Variants in WNT4 observed in about 807,000 individuals in gnomAD.
WNT4 encodes the protein protein Wnt-4.
WNT4 carries 16 observed loss-of-function variants against 34.5 expected under a neutral mutation model. The observed-to-expected ratio is 0.46, with a 90% confidence interval of 0.31 to 0.70. The LOEUF (loss-of-function observed/expected upper bound fraction) is 0.70. WNT4 is among the 30% of genes least tolerant of loss of function. The pLI is 0.04. For missense variants in WNT4, 379 were observed against 495.9 expected (o/e 0.76, Z 2.24); for synonymous variants, 200 against 211.9 (o/e 0.94, Z 0.49).
rs554129647 is a variant in WNT4, at chr1:22,124,179, G to C, written c.314-2603C>G. 1.4e-4 allele frequency among the ~76,000 whole-genome samples: 22 copies of C among 152,254 alleles called. No homozygotes were observed. The East Asian group carries it at 1.5e-3, about 11-fold the overall frequency. ...GTAGTCCACCTGGGCAGGTAGCAGC[G>C]GGGGGGTTCCCCAGCAAGGTGGCAG... On this transcript the variant is annotated intron_variant, in intron 2 of 4. Coordinates refer to ENST00000290167, the MANE Select transcript of WNT4 (RefSeq NM_030761.5).
rs140613168 is a variant in WNT4 at position 22,121,545 on chromosome 1, G to A, written c.345C>T (p.Ile115=). The A allele has an allele frequency of 5.0e-6, 8 of 1,613,806 alleles. No homozygotes were observed. Among genetic ancestry groups the A allele is most frequent in the Non-Finnish European group, 6.8e-6 (8 of 1,180,036 alleles). Residue 115 remains isoleucine, a synonymous_variant, in exon 3 of 5, where the codon ATC becomes ATT. Coordinates refer to ENST00000290167, the MANE Select transcript of WNT4 (RefSeq NM_030761.5). ...GTREAAFVYA[I]SSAGVAFAVT... is the part of the protein sequence containing the mutation. Reference sequence around the variant, plus strand: ...CTGCAAAGGCCACACCTGCCGAAGAGATGGCGTACACGAAGGCCGCCTCCC... The same window carrying A: ...CTGCAAAGGCCACACCTGCCGAAGAAATGGCGTACACGAAGGCCGCCTCCC...
At position 22,121,338 on chromosome 1, in the gene WNT4, C is replaced by T. The variant is rs781649079; in HGVS notation, c.461G>A (p.Gly154Glu). Reference sequence around the variant, plus strand: ...ACCGTAGGCGATGTTGTCAGAGCATCCTGACCACTGGAAGCCTGGGGTGTG... The same window carrying T: ...ACCGTAGGCGATGTTGTCAGAGCATTCTGACCACTGGAAGCCTGGGGTGTG... ...GVSPQGFQWS[G>E]CSDNIAYGVA... The change falls in exon 4 of 5, where the codon GGA (glycine) becomes GAA (glutamate). Residue 154 changes from glycine (G) to glutamate (E), a missense_variant. Transcript: ENST00000290167. 3 of 1,614,188 alleles carry T rather than the reference C, an allele frequency of 1.9e-6. No individual in the cohort carries two copies. The highest frequency in any genetic ancestry group is 2.5e-6 in the Non-Finnish European group (3 of 1,180,034).
Position 22,120,247 on chromosome 1 carries a change from C to T in WNT4, c.859G>A (p.Gly287Ser), listed in dbSNP as rs752422609. The change falls in exon 5 of 5, where the codon GGC (glycine) becomes AGC (serine). Residue 287 changes from glycine (G) to serine (S), a missense_variant. Physicochemically the swap from Gly to Ser is moderately conservative, Grantham distance 56. This residue lies in a region of WNT4 where 313 missense variants were observed against 445.8 expected (regional missense o/e 0.70). Transcript: ENST00000290167. ...GTGCGGCCCCTCGTGCCCAGCACGCCGCTGCGCATGTCCTGCTCACAGAAG... is the reference window on the plus strand; with the variant it reads ...GTGCGGCCCCTCGTGCCCAGCACGCTGCTGCGCATGTCCTGCTCACAGAAG... ...PDFCEQDMRS[G>S]VLGTRGRTCN... The T allele has an allele frequency of 1.2e-5, 20 of 1,614,048 alleles. No homozygotes were observed. Among genetic ancestry groups the T allele is most frequent in the East Asian group, 2.2e-5 (1 of 44,902 alleles).
chr1:22,129,932 G>A, intron 1 of WNT4, 81 bp from the exon 2 acceptor site: 1 of 1,525,570 alleles, frequency 6.6e-7, no homozygotes, highest in South Asian at 1.1e-5. Flanking sequence ...TCCAGCCCGG[G>A]TCTCTGGGAA....
rs1646073852 is a variant in WNT4, at chr1:22,142,196, G to A, written c.77+650C>T. ...TCCTTAGGCTAGACACGGGGAGCTG[G>A]GGGGCCGTTGTCTTCTTTAAGGTCT... On this transcript the variant is annotated intron_variant, in intron 1 of 4. Coordinates refer to ENST00000290167, the MANE Select transcript of WNT4 (RefSeq NM_030761.5). This position sits in a 1 kb window ranked among gnomAD's most constrained non-coding sequence, Gnocchi z 6.0. Among the ~76,000 whole-genome samples the A allele has an allele frequency of 6.6e-6, 1 of 152,174 alleles. No homozygotes were observed. The highest frequency in any genetic ancestry group is 1.5e-5 in the Non-Finnish European group (1 of 68,032).
Position 22,120,130 on chromosome 1 carries a change from A to G in WNT4, c.976T>C (p.Cys326Arg). ...CAGCACCAGTGGAATTTGCAGCTGC[A>G]GCGTTCAGCCAGCTCCACCTGCGCC... Reference protein sequence around the residue: ...HTAQVELAERCSCKFHWCCFV... With the variant: ...HTAQVELAERRSCKFHWCCFV... Residue 326 changes from cysteine to arginine, a missense_variant, in exon 5 of 5, where the codon TGC becomes CGC. Cys to Arg is a radical substitution (Grantham distance 180, BLOSUM62 -3). This residue lies in a region of WNT4 where 313 missense variants were observed against 445.8 expected (regional missense o/e 0.70). Transcript: ENST00000290167. 1 of 1,613,312 alleles carries G rather than the reference A, an allele frequency of 6.2e-7. No homozygotes were observed. Among genetic ancestry groups the G allele is most frequent in the Non-Finnish European group, 8.5e-7 (1 of 1,179,860 alleles).
chr1:22,129,314 T>G (rs1393246544), intron 2 of WNT4, among the ~76,000 whole-genome samples: 1 of 152,202 alleles, frequency 6.6e-6, no homozygotes, highest in African/African-American at 2.4e-5. Flanking sequence ...CTTCCTTAAT[T>G]ACCTGCTTAC....
chr1:22,125,317 C>T (rs1038613984), intron 2 of WNT4, among the ~76,000 whole-genome samples: 20 of 152,136 alleles, frequency 1.3e-4, no homozygotes, highest in East Asian at 9.7e-4. Flanking sequence ...GGGAATGTCT[C>T]GGGGGTAACC....
chr1:22,125,219 T>C (rs1394344326), intron 2 of WNT4, among the ~76,000 whole-genome samples: 1 of 152,078 alleles, frequency 6.6e-6, no homozygotes, highest in Non-Finnish European at 1.5e-5. Context: ...CCCTGCCCCA[T>C]GCGGTCAGAA....
At position 22,120,194 on chromosome 1, in the gene WNT4, G is replaced by A. The variant is rs145992184; in HGVS notation, c.912C>T (p.Asp304=). The A allele has an allele frequency of 3.8e-5, 62 of 1,613,846 alleles. No homozygotes were observed. The highest frequency in any genetic ancestry group is 2.0e-4 in the African/African-American group (15 of 75,076). The change falls in exon 5 of 5, where the codon GAC becomes GAT. Residue 304 remains aspartate, a synonymous_variant. Coordinates refer to ENST00000290167, the MANE Select transcript of WNT4 (RefSeq NM_030761.5). ...GGCCACAGCACAGCAGCTCACAGCC[G>A]TCGATGGCCTTGGACGTCTTGTTGC... ...RTCNKTSKAI[D]GCELLCCGRG...
In WNT4 at chr1:22,121,290, A is replaced by G; in HGVS notation, c.509T>C (p.Val170Ala). The G allele has an allele frequency of 6.2e-7, 1 of 1,614,082 alleles. No homozygotes were observed. Among genetic ancestry groups the G allele is most frequent in the Non-Finnish European group, 8.5e-7 (1 of 1,179,994 alleles). Residue 170 changes from valine to alanine, a missense_variant, in exon 4 of 5, where the codon GTG becomes GCG. Transcript: ENST00000290167. ...CCCCTTGCTTCTCTCCCGCACATCC[A>G]CAAACGACTGTGAGAAGGCCACACC... ...AYGVAFSQSF[V>A]DVRERSKGAS...
chr1:22,119,570 A>G lies in WNT4; in HGVS notation c.*480T>C, dbSNP rs1293384557. On this transcript the variant is annotated 3_prime_UTR_variant, in exon 5 of 5. Coordinates refer to ENST00000290167, the MANE Select transcript of WNT4 (RefSeq NM_030761.5). ...TTGAGAGACATGGCTTCTAGGCTCA[A>G]GCTGCCAGGAGTCCATGTGTATGTG... 1 of 190,982 alleles carries G rather than the reference A, an allele frequency of 5.2e-6. No individual in the cohort carries two copies. The highest frequency in any genetic ancestry group is 1.3e-4 in the East Asian group (1 of 7,880). The allele number at this position is 190,982 out of a possible 1,614,324, so 11.8% of individuals were successfully genotyped here.
chr1:22,134,343 A>G lies in WNT4; in HGVS notation c.78-4492T>C, dbSNP rs1005314410. On this transcript the variant is annotated intron_variant, in intron 1 of 4. Transcript: ENST00000290167. This position sits in a 1 kb window ranked among gnomAD's most constrained non-coding sequence, Gnocchi z 4.1. ...GGCCAGTGGGGGCGAAAGTGACCAC[A>G]GTCCCCATCTAGGACTGTGTTCTTA... 1.3e-5 allele frequency among the ~76,000 whole-genome samples: 2 copies of G among 152,216 alleles called. No individual in the cohort carries two copies. Among genetic ancestry groups the G allele is most frequent in the African/African-American group, 2.4e-5 (1 of 41,464 alleles).
Position 22,142,718 on chromosome 1 carries a change from T to G in WNT4, c.77+128A>C. 1.6e-6 allele frequency: 1 copy of G among 611,870 alleles called. No individual in the cohort carries two copies. Among genetic ancestry groups the G allele is most frequent in the South Asian group, 7.0e-5 (1 of 14,314 alleles). The allele number at this position is 611,870 out of a possible 1,614,324, so 37.9% of individuals were successfully genotyped here. A position where few individuals can be genotyped will look rare whatever the true frequency, so the allele number is the denominator to read the frequency against. On this transcript the variant is annotated intron_variant, in intron 1 of 4. Coordinates refer to ENST00000290167, the MANE Select transcript of WNT4 (RefSeq NM_030761.5). This position sits in a 1 kb window ranked among gnomAD's most constrained non-coding sequence, Gnocchi z 6.0. ...GCGGCGGCAGCGGAGCGAGCGAGCC[T>G]CCGGTCCCGCGGCCGAGACACCTGC...
intron 4 of WNT4, 89 bp downstream of exon 4, chr1:22,121,122 T>C: frequency 6.4e-7 from 1 of 1,572,848 alleles, no homozygotes; most frequent in Non-Finnish European, 8.6e-7. Flanking sequence ...TGCACAAATG[T>C]TTTCTGAGTG....
chr1:22,119,228 G>GTGTT lies in WNT4; in HGVS notation c.*821_*822insAACA, dbSNP rs35917567. ...TGTGTGTGTGTGTGTGTGTGTGTGTGTTTCAGTTTCATGGAGGAACAGCGC... is the reference window on the plus strand; with the variant it reads ...TGTGTGTGTGTGTGTGTGTGTGTGTGTGTTTTTCAGTTTCATGGAGGAACAGCGC... On this transcript the variant is annotated 3_prime_UTR_variant, in exon 5 of 5. Transcript: ENST00000290167. The GTGTT allele has an allele frequency of 0.2, 24,490 of 120,098 alleles. 3,197 individuals carry two copies. Among genetic ancestry groups the GTGTT allele is most frequent in the Non-Finnish European group, 0.23 (12,884 of 57,214 alleles). The allele number at this position is 120,098 out of a possible 1,614,324, so 7.4% of individuals were successfully genotyped here. A position where few individuals can be genotyped will look rare whatever the true frequency, so the allele number is the denominator to read the frequency against.
chr1:22,132,093 C>T (rs1002633383), intron 1 of WNT4, among the ~76,000 whole-genome samples: 6 of 152,188 alleles, frequency 3.9e-5, no homozygotes, highest in Non-Finnish European at 7.4e-5. Context: ...GCCAAGAGCC[C>T]GGCTACTGGC....
At chr1:22,131,788 C>T (rs1645985688) in intron 1 of WNT4, among the ~76,000 whole-genome samples, 1 of 152,204 alleles carries the variant, frequency 6.6e-6, no homozygotes, top group Non-Finnish European at 1.5e-5. Flanking sequence ...CTCCCCTCCC[C>T]ACCCCCTGCA....
At chr1:22,120,563 G>A in intron 4 of WNT4, 46 bp from the exon 5 acceptor site, 1 of 1,562,662 alleles carries the variant, frequency 6.4e-7, no homozygotes. Flanking sequence ...GATGGCAAGG[G>A]AAGGCAGGGG....
Sources: gnomAD v4.1 joint callset for allele counts (sites outside exome capture counted in the v4.1 genomes callset) on GRCh38, gnomAD v4.1.1 for gene constraint, gnomAD v4.1.1 regional missense constraint, Gnocchi (gnomAD v3.1) non-coding constraint, MANE v1.5 for transcripts, NCBI Gene and HGNC (gene_info 2026-07-23, HGNC 2026-07-21) for gene names.